The following PLXNB3 variants were observed in gnomAD, a reference collection of about 807,000 sequenced individuals.
PLXNB3 encodes the protein plexin B3, also known as plexin-B3.
In PLXNB3, 80 loss-of-function variants were observed where a neutral mutation model predicts 125.7. That is an observed-to-expected ratio of 0.64 (90% confidence interval 0.53 to 0.77). The LOEUF is 0.77. Ranked by LOEUF, PLXNB3 falls within the 30% of genes least tolerant of loss-of-function variation. The probability of loss-of-function intolerance (pLI) is 0.00; values close to 1 mark genes in which losing one functional copy is unlikely to be tolerated. For synonymous variants in PLXNB3, 954 were observed against 783.3 expected (o/e 1.22, Z -3.64); for missense variants, 1,836 against 1,729.3 (o/e 1.06, Z -1.09).
chrX:153,771,733 C>G, intron 14 of PLXNB3, 78 bp downstream of exon 14: 1 of 1,122,778 alleles, frequency 8.9e-7, no homozygotes, highest in Non-Finnish European at 1.2e-6. Context: ...CGTGATCAGA[C>G]CAGCCCTGCC....
Position 153,774,799 on chromosome X carries a change from G to A in PLXNB3, c.3924G>A (p.Glu1308=). 8.3e-7 allele frequency: 1 copy of A among 1,209,560 alleles called. No homozygotes were observed. Reference sequence around the variant, plus strand: ...GCGTGGGAGACCAGTGCCGCAAGGAGTTCACAGGTGGGTGCGGAGGCGGGG... The same window carrying A: ...GCGTGGGAGACCAGTGCCGCAAGGAATTCACAGGTGGGTGCGGAGGCGGGG... ...ETGVGDQCRK[E]FTDLMTEMTD... Residue 1308 remains glutamate (E), a synonymous_variant, in exon 23 of 36, where the codon GAG becomes GAA. Coordinates refer to ENST00000361971, the MANE Select transcript of PLXNB3 (RefSeq NM_005393.3).
In PLXNB3 at chrX:153,779,068, T is replaced by C. The variant is rs1557065622; in HGVS notation, c.*29T>C. 2 of 1,046,853 alleles carry C rather than the reference T, an allele frequency of 1.9e-6. No homozygotes were observed. Among genetic ancestry groups the C allele is most frequent in the Admixed American group, 2.9e-5 (1 of 34,976 alleles). The allele number at this position is 1,046,853 out of a possible 1,213,427, so 86.3% of individuals were successfully genotyped here. ...CTGGCTCAGACAGCAGCAAGCCGGA[T>C]CCACCAACACCGCAGCGCCTTATGA... On this transcript the variant is annotated 3_prime_UTR_variant, in exon 36 of 36. Coordinates refer to ENST00000361971, the MANE Select transcript of PLXNB3 (RefSeq NM_005393.3).
In PLXNB3 at chrX:153,768,986, C is replaced by A. The variant is rs781846138; in HGVS notation, c.1305C>A (p.Ser435=). 1.1e-5 allele frequency: 13 copies of A among 1,211,263 alleles called. No homozygotes were observed. The highest frequency in any genetic ancestry group is 1.5e-5 in the Non-Finnish European group (13 of 894,828). ...GCTCCCAGGGCCAGGTTTACCACTCCCAGCAAGTGGGGCCTCCAGGCTCAG... is the reference window on the plus strand; with the variant it reads ...GCTCCCAGGGCCAGGTTTACCACTCACAGCAAGTGGGGCCTCCAGGCTCAG... ...LHGSQGQVYH[S]QQVGPPGSAI... is the part of the protein sequence containing the mutation. Residue 435 remains serine (S), a synonymous_variant, in exon 5 of 36, where the codon TCC becomes TCA. Transcript: ENST00000361971.
intron 11 of PLXNB3, 36 bp downstream of exon 11, chrX:153,770,919 G>C (rs2091921693): frequency 8.3e-7 from 1 of 1,204,406 alleles, no homozygotes; most frequent in Admixed American, 2.2e-5. Context: ...AGGGCAGTGA[G>C]GTCTGCCAAC....
rs977962667 is a variant in PLXNB3, at chrX:153,771,388, A to G, written c.2332A>G (p.Thr778Ala). The G allele has an allele frequency of 3.3e-6, 4 of 1,209,378 alleles. No individual in the cohort carries two copies. The highest frequency in any genetic ancestry group is 4.5e-6 in the Non-Finnish European group (4 of 893,865). Residue 778 changes from threonine to alanine, a missense_variant, in exon 13 of 36, where the codon ACC (threonine) becomes GCC (alanine). Coordinates refer to ENST00000361971, the MANE Select transcript of PLXNB3 (RefSeq NM_005393.3). ...TQGEAQRLDN[T>A]HALYVILYDC... Reference sequence around the variant, plus strand: ...GGGTGAAGCCCAGAGGCTGGACAACACCCATGCTCTTTATGGTGAGCCTGA... The same window carrying G: ...GGGTGAAGCCCAGAGGCTGGACAACGCCCATGCTCTTTATGGTGAGCCTGA...
chrX:153,778,129 G>A (rs375919930), intron 32 of PLXNB3, 34 bp downstream of exon 32: 5 of 1,210,139 alleles, frequency 4.1e-6, no homozygotes, highest in Non-Finnish European at 4.5e-6. Context: ...AGCTGGCAGG[G>A]GCTTGAGGAG....
rs781975103 is a variant in PLXNB3, at chrX:153,770,796, G to C, written c.2049G>C (p.Gln683His). Residue 683 changes from glutamine to histidine, a missense_variant, in exon 11 of 36, where the codon CAG (glutamine) becomes CAC (histidine). By Grantham distance (24) the Gln-to-His change is conservative. Transcript: ENST00000361971. ...IQVRGPGACP[Q>H]VEGLAGPHLV... is the part of the protein sequence containing the mutation. The stretch of plus-strand genomic sequence containing the variant: ...TGCGTGGCCCAGGGGCTTGCCCACA[G>C]GTCGAAGGCCTGGCAGGTCCCCACC... 8.3e-7 allele frequency: 1 copy of C among 1,208,345 alleles called. No individual in the cohort carries two copies. The highest frequency in any genetic ancestry group is 1.1e-6 in the Non-Finnish European group (1 of 892,994).
chrX:153,769,623 C>A (rs1330776979), intron 6 of PLXNB3, among the ~76,000 whole-genome samples, 184 bp from the exon 7 acceptor site: 5 of 113,120 alleles, frequency 4.4e-5, no homozygotes, highest in Admixed American at 3.7e-4. Context: ...AGGGCTGGAG[C>A]CCACGCCTTG....
At chrX:153,766,705 G>A (rs2091862601) in intron 2 of PLXNB3, 168 bp from the exon 3 acceptor site, 1 of 724,903 alleles carries the variant, frequency 1.4e-6, no homozygotes, top group Non-Finnish European at 1.6e-6. Context: ...CTCTCTCTGT[G>A]CCCCCTCTGT....
At chrX:153,772,503 C>A (rs2091942724) in intron 16 of PLXNB3, among the ~76,000 whole-genome samples, 1 of 111,994 alleles carries the variant, frequency 8.9e-6, no homozygotes, top group African/African-American at 3.2e-5. Flanking sequence ...CACTTGGTGG[C>A]ACCGTTTCCT....
At chrX:153,778,361 G>A in intron 33 of PLXNB3, 35 bp from the exon 34 acceptor site, 1 of 1,207,492 alleles carries the variant, frequency 8.3e-7, no homozygotes, top group Non-Finnish European at 1.1e-6. Context: ...CGGGGAAGGG[G>A]GCTGCCCCAC....
At chrX:153,773,170 C>G (rs1052885423) in intron 17 of PLXNB3, 60 bp from the exon 18 acceptor site, 1 of 1,128,369 alleles carries the variant, frequency 8.9e-7, no homozygotes, top group African/African-American at 1.8e-5. Context: ...GGGGTTGGGC[C>G]AGGGCTGGGG....
Position 153,767,047 on chromosome X carries a change from C to G in PLXNB3, c.220C>G (p.Leu74Val). ...GTLYVGAVNR[L>V]FQLSPELQLE... ...ACTCTATGTCGGCGCAGTGAACCGC[C>G]TCTTCCAGCTCAGCCCCGAGCTGCA... Residue 74 changes from leucine to valine, a missense_variant, in exon 3 of 36, where the codon CTC (leucine) becomes GTC (valine). Leu to Val is a conservative substitution (Grantham distance 32). Transcript: ENST00000361971. 1 of 1,211,197 alleles carries G rather than the reference C, an allele frequency of 8.3e-7. No individual in the cohort carries two copies. The highest frequency in any genetic ancestry group is 1.1e-6 in the Non-Finnish European group (1 of 895,552).
In PLXNB3 at chrX:153,774,951, A is replaced by T. The variant is rs138971273; in HGVS notation, c.4003A>T (p.Thr1335Ser). ...GSGIPFLDYR[T>S]YAERAFFPGH... is the part of the protein sequence containing the mutation. Reference sequence around the variant, plus strand: ...CGGGATCCCCTTCCTGGACTACCGCACCTACGCCGAGCGCGCCTTCTTCCC... The same window carrying T: ...CGGGATCCCCTTCCTGGACTACCGCTCCTACGCCGAGCGCGCCTTCTTCCC... Residue 1335 changes from threonine (T) to serine (S), a missense_variant, in exon 24 of 36, where the codon ACC becomes TCC. Thr to Ser is a moderately conservative substitution (Grantham distance 58). Transcript: ENST00000361971. 3.0e-4 allele frequency: 362 copies of T among 1,190,881 alleles called. 2 individuals are homozygous for T. In the African/African-American group the frequency reaches 5.0e-3, roughly 16 times the overall value.
At chrX:153,769,731 CTCCCCAGGCCCCTGTTGCCGGTCA>C in intron 6 of PLXNB3, 52 bp from the exon 7 acceptor site, 1 of 1,076,925 alleles carries the variant, frequency 9.3e-7, no homozygotes, top group Non-Finnish European at 1.2e-6. Context: ...CTGGGCCGGC[CTCCCCAGGCCCCTGTTGCCGGTCA>C]TCCTTGGAGT....
At position 153,772,171 on chromosome X, in the gene PLXNB3, C is replaced by T. The variant is rs782685346; in HGVS notation, c.2670-11C>T. The T allele has an allele frequency of 2.5e-6, 3 of 1,199,235 alleles. No homozygotes were observed. Among genetic ancestry groups the T allele is most frequent in the East Asian group, 3.0e-5 (1 of 33,715 alleles). ...TGAGCCCTGAGCAGCTCCCAGGCCT[C>T]GGCTTTCCAGGATTGTGTGTGTGAC... On this transcript the variant is annotated splice_polypyrimidine_tract_variant and intron_variant, in intron 15 of 35. Coordinates refer to ENST00000361971, the MANE Select transcript of PLXNB3 (RefSeq NM_005393.3).
In PLXNB3 at chrX:153,776,899, G is replaced by A; in HGVS notation, c.4846G>A (p.Ala1616Thr). The A allele has an allele frequency of 8.4e-7, 1 of 1,194,615 alleles. No homozygotes were observed. Among genetic ancestry groups the A allele is most frequent in the Non-Finnish European group, 1.1e-6 (1 of 885,129 alleles). ...CCATCTCTGCCAGGTCCCAGATGGA[G>A]CAACAGTGGGGCTCGTCCCTCAGCT... ...TLQHYKVPDG[A>T]TVGLVPQLHR... Residue 1616 changes from alanine (A) to threonine (T), a missense_variant, in exon 29 of 36, where the codon GCA becomes ACA. By Grantham distance (58) the Ala-to-Thr change is moderately conservative. Transcript: ENST00000361971.
chrX:153,776,304 G>C, intron 27 of PLXNB3, 52 bp from the exon 28 acceptor site: 2 of 1,089,547 alleles, frequency 1.8e-6, no homozygotes, highest in Non-Finnish European at 2.5e-6. Context: ...TACTATGAGT[G>C]TGGGGCGTGG....
At chrX:153,775,739 C>A in intron 26 of PLXNB3, 79 bp downstream of exon 26, 1 of 1,102,205 alleles carries the variant, frequency 9.1e-7, no homozygotes, top group Non-Finnish European at 1.2e-6. Flanking sequence ...CTACTGCCTG[C>A]GCCCTACGTG....
Sources: gnomAD v4.1 joint callset for allele counts (sites outside exome capture counted in the v4.1 genomes callset) on GRCh38, gnomAD v4.1.1 for gene constraint, MANE v1.5 for transcripts, NCBI Gene and HGNC (gene_info 2026-07-23, HGNC 2026-07-21) for gene names.